The following VAT1L variants were observed in gnomAD, a reference collection of about 807,000 sequenced individuals.
The protein encoded by VAT1L is putative NADPH-dependent quinone oxidoreductase VAT1L.
Under a neutral mutation model 44.1 loss-of-function variants are expected in VAT1L, and 34 were observed. The ratio of observed to expected loss-of-function variants is 0.77; its 90% CI spans 0.59 to 1.03. The LOEUF is 1.03. Among genes scored for constraint, VAT1L ranks in the 50% least tolerant of loss-of-function variants. The pLI, the probability that VAT1L is intolerant of heterozygous loss-of-function variation, is 0.00. For synonymous variants in VAT1L, 253 were observed against 202.2 expected (o/e 1.25, Z -2.13); for missense variants, 615 against 538.8 (o/e 1.14, Z -1.40).
Position 77,944,461 on chromosome 16 carries a change from T to G in VAT1L, c.1078-27389T>G, listed in dbSNP as rs1175975648. 2.0e-5 allele frequency among the ~76,000 whole-genome samples: 3 copies of G among 152,180 alleles called. No individual in the cohort carries two copies. The East Asian group carries it at 5.8e-4, about 29-fold the overall frequency. The stretch of plus-strand genomic sequence containing the variant: ...GCATGACAGAATAGATTTTTAACAG[T>G]CTTATTCCCATCATTAAATCCTCGC... On this transcript the variant is annotated intron_variant, in intron 7 of 8. Transcript: ENST00000302536.
At chr16:77,899,397 C>A (rs1047123859) in intron 7 of VAT1L, among the ~76,000 whole-genome samples, 1 of 152,204 alleles carries the variant, frequency 6.6e-6, no homozygotes, top group Non-Finnish European at 1.5e-5. Flanking sequence ...CCTGGTTCAT[C>A]AGTTCCTACC....
intron 7 of VAT1L, among the ~76,000 whole-genome samples, chr16:77,887,319 A>G (rs1230856231): frequency 6.6e-6 from 1 of 152,216 alleles, no homozygotes; most frequent in Admixed American, 6.5e-5. Flanking sequence ...GTTCAGAGTC[A>G]GGAGGTACCA....
chr16:77,945,887 C>G (rs2017955943), intron 7 of VAT1L, among the ~76,000 whole-genome samples: 2 of 151,564 alleles, frequency 1.3e-5, no homozygotes, highest in Admixed American at 6.6e-5. Context: ...ACTGCCCCCT[C>G]TGCTTCCCGG....
At chr16:77,790,821 C>G (rs1046775033) in intron 1 of VAT1L, among the ~76,000 whole-genome samples, 13 of 152,144 alleles carry the variant, frequency 8.5e-5, no homozygotes, top group Non-Finnish European at 1.8e-4. Flanking sequence ...GTTTTCCAGT[C>G]TTATGTTAAC....
chr16:77,895,100 C>CCCCACACACA (rs1555517699), intron 7 of VAT1L, among the ~76,000 whole-genome samples: 4 of 145,152 alleles, frequency 2.8e-5, no homozygotes, highest in Non-Finnish European at 6.0e-5. Context: ...AGCCACTTGC[C>CCCCACACACA]CACACACACA....
intron 7 of VAT1L, among the ~76,000 whole-genome samples, chr16:77,959,331 G>C (rs139036509): frequency 3.3e-5 from 5 of 152,132 alleles, no homozygotes; most frequent in African/African-American, 1.2e-4. Context: ...AAGCTACTTG[G>C]CAAAAGCCAG....
intron 7 of VAT1L, among the ~76,000 whole-genome samples, chr16:77,911,022 C>A (rs900756097): frequency 6.6e-6 from 1 of 152,216 alleles, no homozygotes; most frequent in Non-Finnish European, 1.5e-5. Context: ...ACCCATGCAA[C>A]CTTGCTTGTA....
At chr16:77,855,433 T>C (rs114988203) in intron 3 of VAT1L, among the ~76,000 whole-genome samples, 2 of 151,142 alleles carry the variant, frequency 1.3e-5, no homozygotes, top group African/African-American at 4.9e-5. Context: ...CACAGGTGAG[T>C]CCTTTCCTTC....
At chr16:77,903,261 TATG>T (rs2017403688) in intron 7 of VAT1L, among the ~76,000 whole-genome samples, 1 of 152,104 alleles carries the variant, frequency 6.6e-6, no homozygotes, top group African/African-American at 2.4e-5. Flanking sequence ...ACACAGAAAA[TATG>T]ATATTCCCCC....
chr16:77,795,670 G>A (rs2015916502), intron 1 of VAT1L, among the ~76,000 whole-genome samples: 2 of 152,268 alleles, frequency 1.3e-5, no homozygotes, highest in South Asian at 4.1e-4. Context: ...AGCATTAGTA[G>A]GGAATCAGCG....
At chr16:77,903,266 T>C (rs1193547180) in intron 7 of VAT1L, among the ~76,000 whole-genome samples, 1 of 152,210 alleles carries the variant, frequency 6.6e-6, no homozygotes, top group Non-Finnish European at 1.5e-5. Context: ...GAAAATATGA[T>C]ATTCCCCCCG....
intron 8 of VAT1L, among the ~76,000 whole-genome samples, chr16:77,976,538 A>C (rs2018341864): frequency 6.6e-6 from 1 of 152,168 alleles, no homozygotes; most frequent in Admixed American, 6.5e-5. Flanking sequence ...AGAATAAGCC[A>C]TGAAGCAGCC....
intron 7 of VAT1L, among the ~76,000 whole-genome samples, chr16:77,949,350 C>A (rs2018012132): frequency 6.6e-6 from 1 of 152,072 alleles, no homozygotes; most frequent in Non-Finnish European, 1.5e-5. Context: ...GTTTCTTCTT[C>A]CTAGGATCAT....
At chr16:77,821,048 A>G (rs1242234848) in intron 2 of VAT1L, among the ~76,000 whole-genome samples, 2 of 152,002 alleles carry the variant, frequency 1.3e-5, no homozygotes, top group Non-Finnish European at 2.9e-5. Context: ...ATTCTCTCCC[A>G]TTTCCCACCC....
chr16:77,934,753 C>A (rs1281210274), intron 7 of VAT1L, among the ~76,000 whole-genome samples: 2 of 152,262 alleles, frequency 1.3e-5, no homozygotes, highest in Admixed American at 6.5e-5. Flanking sequence ...GGTAGGTTTA[C>A]TGTTCAATCT....
At position 77,895,100 on chromosome 16, in the gene VAT1L, C is replaced by CCACACACACACACA. The variant is rs67138523; in HGVS notation, c.1077+10302_1077+10315dup. Reference sequence around the variant, plus strand: ...CAACGTGATCACCCCAGCCACTTGCCCACACACACACACACACTCACACAT... The same window carrying CCACACACACACACA: ...CAACGTGATCACCCCAGCCACTTGCCCACACACACACACACACACACACACACACACTCACACAT... On this transcript the variant is annotated intron_variant, in intron 7 of 8. Coordinates refer to ENST00000302536, the MANE Select transcript of VAT1L (RefSeq NM_020927.3). Among the ~76,000 whole-genome samples the CCACACACACACACA allele has an allele frequency of 9.6e-3, 1,395 of 145,230 alleles. 19 individuals are homozygous for CCACACACACACACA. The highest frequency in any genetic ancestry group is 0.026 in the African/African-American group (986 of 38,312).
intron 3 of VAT1L, among the ~76,000 whole-genome samples, chr16:77,846,305 C>G (rs989912591): frequency 1.3e-5 from 2 of 152,142 alleles, no homozygotes; most frequent in Non-Finnish European, 2.9e-5. Context: ...AGAAACAGCC[C>G]CCAGCAGGTT....
rs185718781 is a variant in VAT1L, at chr16:77,822,013, G to C, written c.364-3233G>C. ...TGCTGCTTTTCCAGCATGCCCATAA[G>C]GGAGACACAGGCGTCAATACTGAAC... is the stretch of plus-strand genomic sequence containing the variant. On this transcript the variant is annotated intron_variant, in intron 2 of 8. Transcript: ENST00000302536. Among the ~76,000 whole-genome samples, 6 of 152,246 alleles carry C rather than the reference G, an allele frequency of 3.9e-5. No individual in the cohort carries two copies. In the East Asian group the frequency reaches 1.2e-3, roughly 29 times the overall value.
chr16:77,958,540 C>T (rs1054895887), intron 7 of VAT1L, among the ~76,000 whole-genome samples: 4 of 152,174 alleles, frequency 2.6e-5, no homozygotes, highest in Non-Finnish European at 4.4e-5. Context: ...CACTGTGGAG[C>T]GTTGTTAACT....
Sources: allele counts gnomAD v4.1 joint callset (sites outside exome capture counted in the v4.1 genomes callset), GRCh38; gene constraint gnomAD v4.1.1; transcripts MANE v1.5; gene names NCBI Gene and HGNC (gene_info 2026-07-23, HGNC 2026-07-21).